DENND6A: variants seen among roughly 807,000 people sequenced by gnomAD.
DENND6A encodes the protein DENN domain containing 6A.
Under a neutral mutation model 95.5 loss-of-function variants are expected in DENND6A, and 43 were observed. The observed-to-expected ratio is 0.45, with a 90% CI of 0.35 to 0.58. The LOEUF is 0.58. Among genes scored for constraint, DENND6A ranks in the 20% least tolerant of loss-of-function variants. DENND6A has a pLI of 0.00. For synonymous variants in DENND6A, 257 were observed against 260.4 expected (o/e 0.99, Z 0.13); for missense variants, 574 against 736.0 (o/e 0.78, Z 2.55).
intron 3 of DENND6A, among the ~76,000 whole-genome samples, chr3:57,668,274 T>C (rs943633800): frequency 3.3e-5 from 5 of 152,210 alleles, no homozygotes; most frequent in African/African-American, 1.2e-4. Context: ...CCCTGCTGTC[T>C]ACAAAGAAGA....
Position 57,660,804 on chromosome 3 carries a change from G to A in DENND6A, c.655C>T (p.Pro219Ser). Residue 219 changes from proline (P) to serine (S), a missense_variant, in exon 7 of 20, where the codon CCA becomes TCA. Pro to Ser is a moderately conservative substitution (Grantham distance 74). Around this residue, in one of 2 missense-constraint regions of DENND6A, gnomAD observed 452 missense variants for 630.9 expected, o/e 0.72. Transcript: ENST00000311128. ...ATTGGCAGGTGTAATGTTTTCCCTG[G>A]CACTGGGGCAGGCCATCGATCAACA... ...NDVDRWPAPV[P>S]GKTLHLPIMG... is the part of the protein sequence containing the mutation. The A allele has an allele frequency of 6.2e-7, 1 of 1,609,194 alleles. No homozygotes were observed. Among genetic ancestry groups the A allele is most frequent in the Non-Finnish European group, 8.5e-7 (1 of 1,177,658 alleles).
At chr3:57,661,091 TTAC>T (rs1406076898) in intron 6 of DENND6A, among the ~76,000 whole-genome samples, 2 of 152,096 alleles carry the variant, frequency 1.3e-5, no homozygotes, top group Non-Finnish European at 2.9e-5. Context: ...TATTCATTTA[TTAC>T]TACTAATTAG....
rs917148005 is a variant in DENND6A, at chr3:57,641,246, TTA to T, written c.1132+405_1132+406del. ...ATATATTTAAATATTTAAATATATATTATATATTTATATTCAATGTTATATTA... is the reference window on the plus strand; with the variant it reads ...ATATATTTAAATATTTAAATATATATTATATTTATATTCAATGTTATATTA... On this transcript the variant is annotated intron_variant, in intron 12 of 19. Coordinates refer to ENST00000311128, the MANE Select transcript of DENND6A (RefSeq NM_152678.3). 7.8e-4 allele frequency among the ~76,000 whole-genome samples: 111 copies of T among 141,792 alleles called. 1 individual carries two copies. Among genetic ancestry groups the T allele is most frequent in the African/African-American group, 2.3e-3 (93 of 39,670 alleles). The allele number at this position is 141,792 out of a possible 152,430, so 93.0% of individuals were successfully genotyped here. A position where few individuals can be genotyped will look rare whatever the true frequency, so the allele number is the denominator to read the frequency against.
intron 9 of DENND6A, chr3:57,654,643 A>C: frequency 1.0e-6 from 1 of 985,156 alleles, no homozygotes; most frequent in Non-Finnish European, 1.2e-6. Flanking sequence ...CTTCAATTCT[A>C]ATCTCACCTC....
chr3:57,659,243 C>G, intron 7 of DENND6A, 63 bp from the exon 8 acceptor site: 1 of 1,561,462 alleles, frequency 6.4e-7, no homozygotes, highest in Non-Finnish European at 8.8e-7. Flanking sequence ...AGTGCTGTAT[C>G]CTGCTGCTAA....
intron 3 of DENND6A, among the ~76,000 whole-genome samples, chr3:57,669,228 T>C (rs927294628): frequency 6.6e-6 from 1 of 152,118 alleles, no homozygotes; most frequent in African/African-American, 2.4e-5. Flanking sequence ...TAACTACAAC[T>C]GAAAATAGCA....
chr3:57,688,168 A>AT (rs896734639), intron 1 of DENND6A, among the ~76,000 whole-genome samples: 6 of 151,562 alleles, frequency 4.0e-5, no homozygotes, highest in South Asian at 2.1e-4. Flanking sequence ...CTATTTTTGT[A>AT]TTTTTTTATT....
intron 11 of DENND6A, among the ~76,000 whole-genome samples, chr3:57,642,975 C>T (rs2070982233): frequency 7.1e-6 from 1 of 141,098 alleles, no homozygotes; most frequent in Non-Finnish European, 1.5e-5. Context: ...CATCACACTC[C>T]AACTTGGGGG....
intron 5 of DENND6A, among the ~76,000 whole-genome samples, 173 bp downstream of exon 5, chr3:57,663,463 C>CAAA (rs1189672713): frequency 0.011 from 552 of 51,848 alleles, 11 homozygotes; most frequent in Middle Eastern, 0.033. Flanking sequence ...GACTCCACCT[C>CAAA]AAAAAAAAAA....
At chr3:57,664,694 G>A (rs1232499452) in intron 4 of DENND6A, among the ~76,000 whole-genome samples, 9 of 152,106 alleles carry the variant, frequency 5.9e-5, no homozygotes, top group African/African-American at 1.2e-4. Flanking sequence ...TTAGCTGGGT[G>A]TGGTGGCACG....
intron 9 of DENND6A, among the ~76,000 whole-genome samples, chr3:57,654,213 C>A (rs1376073742): frequency 2.0e-5 from 3 of 151,962 alleles, no homozygotes; most frequent in Non-Finnish European, 4.4e-5. Flanking sequence ...CCTTGGCCTC[C>A]CAAAGTGCCG....
At chr3:57,684,779 T>A (rs2077197571) in intron 1 of DENND6A, among the ~76,000 whole-genome samples, 1 of 151,924 alleles carries the variant, frequency 6.6e-6, no homozygotes, top group African/African-American at 2.4e-5. Flanking sequence ...ATAAATAAAG[T>A]CCAAATATTA....
At chr3:57,663,463 CAAAA>C (rs1189672713) in intron 5 of DENND6A, among the ~76,000 whole-genome samples, 169 bp downstream of exon 5, 1 of 51,940 alleles carries the variant, frequency 1.9e-5, no homozygotes, top group African/African-American at 4.9e-5. Flanking sequence ...GACTCCACCT[CAAAA>C]AAAAAAAAAA....
chr3:57,645,153 A>T (rs1456572890), intron 11 of DENND6A, among the ~76,000 whole-genome samples: 2 of 152,138 alleles, frequency 1.3e-5, no homozygotes, highest in Non-Finnish European at 2.9e-5. Context: ...ATGACAATAT[A>T]GCTTCCATTA....
chr3:57,654,096 C>T (rs561335600), intron 9 of DENND6A, among the ~76,000 whole-genome samples: 10 of 151,082 alleles, frequency 6.6e-5, no homozygotes, highest in African/African-American at 1.7e-4. Flanking sequence ...CACAGGTGCC[C>T]GCCACCACGC....
Position 57,660,822 on chromosome 3 carries a change from G to A in DENND6A, c.637C>T (p.Arg213Ter), listed in dbSNP as rs1446920893. ...TTCCCTGGCACTGGGGCAGGCCATC[G>A]ATCAACATCATTACAAGCTGAAAAA... ...YLEAACNDVDRWPAPVPGKTL... is the reference protein window; with the variant it reads ...YLEAACNDVD The change falls in exon 7 of 20, where the codon CGA (arginine) becomes TGA (stop). Residue 213 changes from arginine to a stop codon, truncating the protein, a stop_gained. Transcript: ENST00000311128. LOFTEE classifies it high-confidence loss of function. 3.1e-6 allele frequency: 5 copies of A among 1,604,826 alleles called. No homozygotes were observed. Among genetic ancestry groups the A allele is most frequent in the Admixed American group, 1.7e-5 (1 of 58,796 alleles).
At chr3:57,664,044 CT>C (rs2071486933) in intron 4 of DENND6A, among the ~76,000 whole-genome samples, 3 of 152,230 alleles carry the variant, frequency 2.0e-5, no homozygotes, top group African/African-American at 7.2e-5. Context: ...AATTTTCCCC[CT>C]ATAACTTACT....
In DENND6A at chr3:57,693,034, C is replaced by G. The variant is rs1244562291; in HGVS notation, c.-16G>C. 2.2e-6 allele frequency: 3 copies of G among 1,393,964 alleles called. No individual in the cohort carries two copies. Among genetic ancestry groups the G allele is most frequent in the East Asian group, 3.0e-5 (1 of 33,374 alleles). 86.3% of individuals were successfully genotyped at this position (1,393,964 alleles called of 1,614,324 possible). A position where few individuals can be genotyped will look rare whatever the true frequency, so the allele number is the denominator to read the frequency against. On this transcript the variant is annotated 5_prime_UTR_variant, in exon 1 of 20. Coordinates refer to ENST00000311128, the MANE Select transcript of DENND6A (RefSeq NM_152678.3). Reference sequence around the variant, plus strand: ...TCAAAGCCATCGGCCGCCCCCTGACCGTTCGCGCCGCCTCCACAGCGGACC... The same window carrying G: ...TCAAAGCCATCGGCCGCCCCCTGACGGTTCGCGCCGCCTCCACAGCGGACC...
intron 18 of DENND6A, among the ~76,000 whole-genome samples, chr3:57,629,422 A>G (rs1490048239): frequency 6.6e-6 from 1 of 152,132 alleles, no homozygotes; most frequent in African/African-American, 2.4e-5. Flanking sequence ...AATATAAATG[A>G]AAGTGAGACT....
Sources: gnomAD v4.1 joint callset for allele counts (sites outside exome capture counted in the v4.1 genomes callset) on GRCh38, gnomAD v4.1.1 for gene constraint, gnomAD v4.1.1 regional missense constraint, MANE v1.5 for transcripts, NCBI Gene and HGNC (gene_info 2026-07-23, HGNC 2026-07-21) for gene names.